Variants in VPS72 observed in about 807,000 individuals in gnomAD.
VPS72 encodes the protein vacuolar protein sorting 72 homolog.
A neutral mutation model predicts 38.9 loss-of-function variants in VPS72; 27 were observed. That is an observed-to-expected ratio of 0.69 (90% confidence interval 0.51 to 0.96). The LOEUF (loss-of-function observed/expected upper bound fraction) is 0.96. Ranked by LOEUF, VPS72 falls within the 40% of genes least tolerant of loss-of-function variation. VPS72 has a pLI of 0.00. For synonymous variants in VPS72, 173 were observed against 186.3 expected (o/e 0.93, Z 0.58); for missense variants, 360 against 479.5 (o/e 0.75, Z 2.33).
At chr1:151,179,649 T>C (rs889267074) in intron 4 of VPS72, among the ~76,000 whole-genome samples, 2 of 152,042 alleles carry the variant, frequency 1.3e-5, no homozygotes, top group African/African-American at 4.8e-5. Context: ...TCCCAGCACT[T>C]TGGGAGGCTG....
At position 151,176,652 on chromosome 1, in the gene VPS72, T is replaced by C. The variant is rs1386003161; in HGVS notation, c.1087A>G (p.Ile363Val). 1.2e-6 allele frequency: 2 copies of C among 1,613,382 alleles called. No individual in the cohort carries two copies. The highest frequency in any genetic ancestry group is 1.7e-5 in the Admixed American group (1 of 59,978). ...GAGGACTAGACATCTCTTCATTTAA[T>C]GACAATTTTCTGGCGCAAGGCTCGG... ...GPRALRQKIV[I>V]K The change falls in exon 6 of 6, where the codon ATT becomes GTT. Residue 363 changes from isoleucine to valine, a missense_variant. Physicochemically the swap from Ile to Val is conservative, Grantham distance 29. Around this residue, in one of 2 missense-constraint regions of VPS72, gnomAD observed 294 missense variants for 356.3 expected, o/e 0.83. Coordinates refer to ENST00000368892, the MANE Select transcript of VPS72 (RefSeq NM_005997.3).
intron 4 of VPS72, among the ~76,000 whole-genome samples, chr1:151,179,224 G>A (rs982188245): frequency 6.6e-6 from 1 of 152,098 alleles, no homozygotes; most frequent in Non-Finnish European, 1.5e-5. Flanking sequence ...AGAGGTTGAA[G>A]TGAGATTGCA....
chr1:151,188,435 C>T (rs1213370932), intron 1 of VPS72, among the ~76,000 whole-genome samples: 1 of 152,174 alleles, frequency 6.6e-6, no homozygotes, highest in Non-Finnish European at 1.5e-5. Context: ...AGTAAGTAAC[C>T]TTCCTAAAGT....
At chr1:151,177,594 C>T (rs781187262) in intron 5 of VPS72, among the ~76,000 whole-genome samples, 11 of 152,002 alleles carry the variant, frequency 7.2e-5, no homozygotes, top group African/African-American at 1.7e-4. Flanking sequence ...GGGCTGGGCG[C>T]GGTGGCTCAC....
At chr1:151,179,905 A>C (rs1208156978) in intron 4 of VPS72, among the ~76,000 whole-genome samples, 3 of 152,060 alleles carry the variant, frequency 2.0e-5, no homozygotes, top group Admixed American at 2.0e-4. Flanking sequence ...AGACAAAACA[A>C]ACATACGAAA....
intron 1 of VPS72, among the ~76,000 whole-genome samples, 188 bp from the exon 2 acceptor site, chr1:151,186,138 C>G (rs1684343693): frequency 6.6e-6 from 1 of 152,186 alleles, no homozygotes; most frequent in Non-Finnish European, 1.5e-5. Flanking sequence ...CTCCTTCCAA[C>G]ATTAATTGAT....
chr1:151,178,262 C>T, intron 4 of VPS72, 117 bp from the exon 5 acceptor site: 1 of 1,358,682 alleles, frequency 7.4e-7, no homozygotes, highest in Non-Finnish European at 9.7e-7. Context: ...TGCCAACTAC[C>T]AGAGACAACT....
chr1:151,181,359 T>C (rs1684236587), intron 4 of VPS72, among the ~76,000 whole-genome samples: 1 of 151,732 alleles, frequency 6.6e-6, no homozygotes, highest in Non-Finnish European at 1.5e-5. Flanking sequence ...TCAGTGATTC[T>C]CAGCCCCCCG....
chr1:151,185,440 A>T, intron 3 of VPS72, 66 bp downstream of exon 3: 1 of 1,485,938 alleles, frequency 6.7e-7, no homozygotes, highest in Middle Eastern at 1.9e-4. Flanking sequence ...CAGTAAATTT[A>T]ACACTGATAT....
chr1:151,188,684 T>C (rs1684401411), intron 1 of VPS72, among the ~76,000 whole-genome samples: 1 of 152,194 alleles, frequency 6.6e-6, no homozygotes, highest in South Asian at 2.1e-4. Flanking sequence ...CCTTTCTCCT[T>C]CTCCTGCTTT....
chr1:151,190,094 G>A lies in VPS72; in HGVS notation c.28C>T (p.Arg10Trp). ...GAAAGCCGGTTCCCAGCGGTCTTCCGGGGTGCCCGGCCCCCAGCCAAACTC... is the reference window on the plus strand; with the variant it reads ...GAAAGCCGGTTCCCAGCGGTCTTCCAGGGTGCCCGGCCCCCAGCCAAACTC... Reference protein sequence around the residue: MSLAGGRAPRKTAGNRLSGL... With the variant: MSLAGGRAPWKTAGNRLSGL... Residue 10 changes from arginine to tryptophan, a missense_variant, in exon 1 of 6, where the codon CGG (arginine) becomes TGG (tryptophan). Physicochemically the swap from Arg to Trp is moderately radical, Grantham distance 101. Coordinates refer to ENST00000368892, the MANE Select transcript of VPS72 (RefSeq NM_005997.3). 1 of 1,614,020 alleles carries A rather than the reference G, an allele frequency of 6.2e-7. No individual in the cohort carries two copies. The highest frequency in any genetic ancestry group is 8.5e-7 in the Non-Finnish European group (1 of 1,180,004).
At chr1:151,183,973 C>T (rs995967333) in intron 4 of VPS72, among the ~76,000 whole-genome samples, 1 of 151,738 alleles carries the variant, frequency 6.6e-6, no homozygotes, top group Admixed American at 6.6e-5. Flanking sequence ...ATCCTCCTGC[C>T]TAAATTTCCT....
At chr1:151,178,726 A>G (rs1386373467) in intron 4 of VPS72, among the ~76,000 whole-genome samples, 1 of 152,186 alleles carries the variant, frequency 6.6e-6, no homozygotes, top group Non-Finnish European at 1.5e-5. Context: ...CTGGGTCTGC[A>G]TTCTTACAGG....
intron 4 of VPS72, 121 bp from the exon 5 acceptor site, chr1:151,178,266 G>A (rs587718706): frequency 3.7e-6 from 5 of 1,335,512 alleles, no homozygotes; most frequent in East Asian, 2.6e-5. Context: ...AACTACCAGA[G>A]ACAACTATGG....
intron 4 of VPS72, among the ~76,000 whole-genome samples, chr1:151,181,847 C>A (rs183772481): frequency 6.6e-6 from 1 of 152,270 alleles, no homozygotes; most frequent in Admixed American, 6.5e-5. Context: ...TGAGAACCTC[C>A]GCCATGCCCT....
chr1:151,176,857 C>T lies in VPS72; in HGVS notation c.882G>A (p.Val294=), dbSNP rs1684115047. ...PKVPVREVCP[V]THRPALYRDP... is the part of the protein sequence containing the mutation. ...CCCGGTATAGGGCTGGACGATGGGT[C>T]ACTGGACAGACCTCACGAACAGGGA... The change falls in exon 6 of 6, where the codon GTG becomes GTA. Residue 294 remains valine, a synonymous_variant. Coordinates refer to ENST00000368892, the MANE Select transcript of VPS72 (RefSeq NM_005997.3). 6.2e-7 allele frequency: 1 copy of T among 1,614,130 alleles called. No individual in the cohort carries two copies. The highest frequency in any genetic ancestry group is 1.7e-4 in the Middle Eastern group (1 of 6,060).
chr1:151,178,017 T>C lies in VPS72; in HGVS notation c.691A>G (p.Asn231Asp). The change falls in exon 5 of 6, where the codon AAC becomes GAC. Residue 231 changes from asparagine to aspartate, a missense_variant. Around this residue, in one of 2 missense-constraint regions of VPS72, gnomAD observed 294 missense variants for 356.3 expected, o/e 0.83. Coordinates refer to ENST00000368892, the MANE Select transcript of VPS72 (RefSeq NM_005997.3). ...LVGEPGPKEE[N>D]VDIEGLDPAP... ...TTCACTCACCCTTCTATGTCAACGT[T>C]CTCTTCCTTGGGGCCTGGCTCCCCA... is the stretch of plus-strand genomic sequence containing the variant. 6.2e-7 allele frequency: 1 copy of C among 1,614,044 alleles called. No homozygotes were observed. Among genetic ancestry groups the C allele is most frequent in the Non-Finnish European group, 8.5e-7 (1 of 1,179,998 alleles).
chr1:151,189,323 A>C (rs1030119880), intron 1 of VPS72, among the ~76,000 whole-genome samples: 5 of 152,206 alleles, frequency 3.3e-5, no homozygotes, highest in African/African-American at 1.2e-4. Flanking sequence ...CAACTAATAA[A>C]AATTTAGCAA....
At chr1:151,187,142 G>C (rs1684369441) in intron 1 of VPS72, among the ~76,000 whole-genome samples, 2 of 152,254 alleles carry the variant, frequency 1.3e-5, no homozygotes, top group South Asian at 4.1e-4. Context: ...CTGGAGTAGA[G>C]AACGTGAAGT....
Sources: gnomAD v4.1 joint callset for allele counts (sites outside exome capture counted in the v4.1 genomes callset) on GRCh38, gnomAD v4.1.1 for gene constraint, gnomAD v4.1.1 regional missense constraint, MANE v1.5 for transcripts, NCBI Gene and HGNC (gene_info 2026-07-23, HGNC 2026-07-21) for gene names.